PARD3: variants seen among roughly 807,000 people sequenced by gnomAD.
PARD3 encodes par-3 family cell polarity regulator.
PARD3 carries 75 observed loss-of-function variants against 155.4 expected under a neutral mutation model. The ratio of observed to expected loss-of-function variants is 0.48; its 90% CI spans 0.40 to 0.58. The LOEUF is 0.58. PARD3 is among the 20% of genes least tolerant of loss of function. The pLI, the probability that PARD3 is intolerant of heterozygous loss-of-function variation, is 0.00. For synonymous variants in PARD3, 576 were observed against 610.5 expected (o/e 0.94, Z 0.83); for missense variants, 1,642 against 1,721.7 (o/e 0.95, Z 0.82).
chr10:34,289,694 A>G (rs1273157205), intron 20 of PARD3, among the ~76,000 whole-genome samples: 1 of 152,204 alleles, frequency 6.6e-6, no homozygotes, highest in African/African-American at 2.4e-5. Context: ...TTCAGAGCAG[A>G]ATTGATTCTA....
chr10:34,387,628 G>A (rs1842479964), intron 7 of PARD3, among the ~76,000 whole-genome samples: 1 of 152,126 alleles, frequency 6.6e-6, no homozygotes, highest in Non-Finnish European at 1.5e-5. Context: ...TGTTGCCCAG[G>A]CTGGTCTTGA....
At chr10:34,623,429 T>C (rs1327818905) in intron 2 of PARD3, among the ~76,000 whole-genome samples, 1 of 152,188 alleles carries the variant, frequency 6.6e-6, no homozygotes, top group Non-Finnish European at 1.5e-5. Flanking sequence ...CTTCAATAAT[T>C]ACGTTCAGTT....
intron 23 of PARD3, among the ~76,000 whole-genome samples, chr10:34,126,635 G>T (rs1305938199): frequency 2.6e-5 from 4 of 152,080 alleles, no homozygotes; most frequent in African/African-American, 9.7e-5. Context: ...GATGCAAAAA[G>T]CTCATTTTGT....
At chr10:34,199,107 G>C (rs61576966) in intron 22 of PARD3, among the ~76,000 whole-genome samples, 3,058 of 152,208 alleles carry the variant, frequency 0.02, 103 homozygotes, top group East Asian at 0.15. Context: ...GATCCAATAA[G>C]ATGGAGCTCT....
intron 14 of PARD3, 26 bp downstream of exon 14, chr10:34,359,121 T>C: frequency 1.3e-6 from 2 of 1,588,100 alleles, no homozygotes; most frequent in South Asian, 1.1e-5. Context: ...CAATTTTAGA[T>C]ACTAGCACTT....
At chr10:34,154,599 A>G (rs1948918934) in intron 22 of PARD3, among the ~76,000 whole-genome samples, 2 of 152,220 alleles carry the variant, frequency 1.3e-5, no homozygotes, top group African/African-American at 4.8e-5. Flanking sequence ...TCTAGGTCAT[A>G]CTTGCCCTGT....
chr10:34,557,742 GC>G (rs2085120748), intron 2 of PARD3, among the ~76,000 whole-genome samples: 1 of 152,024 alleles, frequency 6.6e-6, no homozygotes, highest in East Asian at 2.0e-4. Flanking sequence ...ACAGGCATGA[GC>G]CACTGCACCC....
rs529679775 is a variant in PARD3, at chr10:34,245,388, T to G, written c.3419+24269A>C. Among the ~76,000 whole-genome samples, 16 of 152,202 alleles carry G rather than the reference T, an allele frequency of 1.1e-4. No individual in the cohort carries two copies. In the South Asian group the frequency reaches 3.3e-3, roughly 32 times the overall value. ...TTGAGTCAGCAGTGCTTCCCTAGAA[T>G]GAGAATGCCACGCCAAGTAAGTTGG... On this transcript the variant is annotated intron_variant, in intron 22 of 24. Transcript: ENST00000374788.
intron 12 of PARD3, among the ~76,000 whole-genome samples, chr10:34,366,277 G>T (rs919465596): frequency 6.6e-6 from 1 of 152,140 alleles, no homozygotes; most frequent in Non-Finnish European, 1.5e-5. Context: ...ACACTTTATT[G>T]TAAAATAACT....
rs186457941 is a variant in PARD3, at chr10:34,443,427, T to C, written c.714+6890A>G. Among the ~76,000 whole-genome samples, 101 of 152,268 alleles carry C rather than the reference T, an allele frequency of 6.6e-4. 2 individuals carry two copies. The South Asian group carries it at 7.3e-3, about 11-fold the overall frequency. On this transcript the variant is annotated intron_variant, in intron 5 of 24. Coordinates refer to ENST00000374788, the MANE Select transcript of PARD3 (RefSeq NM_001184785.2). ...CTGCTGATAAATACATACCCGAGAC[T>C]GGGCAATTTACAAAAGGAAGAGGTT...
intron 22 of PARD3, among the ~76,000 whole-genome samples, chr10:34,242,057 G>C (rs1953635197): frequency 6.6e-6 from 1 of 152,088 alleles, no homozygotes; most frequent in Admixed American, 6.5e-5. Context: ...ATAACCAGCT[G>C]GCATGGTCAA....
chr10:34,511,652 A>G (rs1161884918), intron 3 of PARD3, among the ~76,000 whole-genome samples: 1 of 144,558 alleles, frequency 6.9e-6, no homozygotes, highest in African/African-American at 2.4e-5. Flanking sequence ...TTTAATACAT[A>G]TATACAAAGT....
intron 5 of PARD3, among the ~76,000 whole-genome samples, chr10:34,441,758 C>T (rs753267682): frequency 7.9e-5 from 12 of 152,034 alleles, no homozygotes; most frequent in Non-Finnish European, 1.3e-4. Flanking sequence ...TAATGTGTCC[C>T]ATACATATAG....
intron 1 of PARD3, among the ~76,000 whole-genome samples, chr10:34,782,505 C>G (rs1840359267): frequency 6.6e-6 from 1 of 152,204 alleles, no homozygotes; most frequent in Admixed American, 6.5e-5. Flanking sequence ...TTTTAAATAA[C>G]TTTAATCCTC....
At chr10:34,326,271 C>T (rs888911509) in intron 19 of PARD3, among the ~76,000 whole-genome samples, 1 of 152,114 alleles carries the variant, frequency 6.6e-6, no homozygotes, top group African/African-American at 2.4e-5. Flanking sequence ...CACAACCATA[C>T]ACCCATACTA....
intron 3 of PARD3, among the ~76,000 whole-genome samples, chr10:34,508,277 A>G (rs773977): frequency 0.5 from 76,484 of 152,056 alleles, 22,234 homozygotes; most frequent in African/African-American, 0.82. Context: ...AGTTAAAAAT[A>G]ACAAAAGATT....
intron 2 of PARD3, among the ~76,000 whole-genome samples, chr10:34,631,002 G>A (rs891451038): frequency 1.3e-5 from 2 of 151,724 alleles, no homozygotes; most frequent in African/African-American, 4.8e-5. Flanking sequence ...TTTTTGTAGA[G>A]ATGGGTCTTG....
At chr10:34,183,065 A>G (rs961299695) in intron 22 of PARD3, among the ~76,000 whole-genome samples, 8 of 152,262 alleles carry the variant, frequency 5.3e-5, no homozygotes, top group African/African-American at 2.4e-5. Context: ...TTTCTCATAT[A>G]TAAGCCTTTG....
intron 2 of PARD3, among the ~76,000 whole-genome samples, chr10:34,658,205 G>GTGTTT (rs2093232467): frequency 6.6e-6 from 1 of 150,984 alleles, no homozygotes; most frequent in East Asian, 1.9e-4. Flanking sequence ...TTTTAAAAAT[G>GTGTTT]TGTTTTATAC....
Sources: gnomAD v4.1 joint callset for allele counts (sites outside exome capture counted in the v4.1 genomes callset) on GRCh38, gnomAD v4.1.1 for gene constraint, MANE v1.5 for transcripts, NCBI Gene and HGNC (gene_info 2026-07-23, HGNC 2026-07-21) for gene names.